Variants in FGF12 observed in about 807,000 individuals in gnomAD.
FGF12 encodes fibroblast growth factor 12B.
Under a neutral mutation model 23.6 loss-of-function variants are expected in FGF12, and 14 were observed. The observed-to-expected ratio is 0.59, with a 90% CI of 0.39 to 0.93. The LOEUF (loss-of-function observed/expected upper bound fraction) is 0.93. Among genes scored for constraint, FGF12 ranks in the 40% least tolerant of loss-of-function variants. The pLI is 0.00. For missense variants in FGF12, 175 were observed against 217.8 expected, an observed-to-expected ratio of 0.80 and a Z score of 1.24; for synonymous variants, 62 against 77.3, an observed-to-expected ratio of 0.80 and a Z score of 1.04.
chr3:192,378,082 C>CTTTCTTTCTTTCTTTCTTTT (rs1719639069), intron 2 of FGF12, among the ~76,000 whole-genome samples: 1 of 116,776 alleles, frequency 8.6e-6, no homozygotes, highest in Admixed American at 9.0e-5. Flanking sequence ...TTCTTTCTTT[C>CTTTCTTTCTTTCTTTCTTTT]TTTCTTTCTT....
intron 2 of FGF12, among the ~76,000 whole-genome samples, chr3:192,422,406 G>A (rs1046648162): frequency 2.6e-5 from 4 of 152,032 alleles, no homozygotes; most frequent in African/African-American, 9.7e-5. Flanking sequence ...AAACAAAGTA[G>A]GAAGCATTTT....
chr3:192,535,639 G>C (rs1440920969), intron 2 of FGF12, among the ~76,000 whole-genome samples: 1 of 152,148 alleles, frequency 6.6e-6, no homozygotes, highest in Admixed American at 6.6e-5. Context: ...GAAATAATTT[G>C]ACAGAAGCAG....
At chr3:192,712,462 A>T (rs1718722440) in intron 2 of FGF12, among the ~76,000 whole-genome samples, 1 of 152,016 alleles carries the variant, frequency 6.6e-6, no homozygotes, top group African/African-American at 2.4e-5. Context: ...TCAATTTTCA[A>T]AACACTGAGA....
chr3:192,648,476 A>G (rs1716093846), intron 2 of FGF12, among the ~76,000 whole-genome samples: 2 of 111,114 alleles, frequency 1.8e-5, no homozygotes, highest in African/African-American at 6.5e-5. Context: ...AACAAAGACT[A>G]TTTAGATTTT....
chr3:192,439,481 T>C (rs1277465757), intron 2 of FGF12, among the ~76,000 whole-genome samples: 1 of 152,198 alleles, frequency 6.6e-6, no homozygotes, highest in Non-Finnish European at 1.5e-5. Flanking sequence ...TTTTCTTGGA[T>C]CAATCATTCA....
At chr3:192,532,073 A>C (rs938886624) in intron 2 of FGF12, among the ~76,000 whole-genome samples, 1 of 152,052 alleles carries the variant, frequency 6.6e-6, no homozygotes. Flanking sequence ...GTTTGGCTTT[A>C]TTTCTGGGTT....
intron 2 of FGF12, among the ~76,000 whole-genome samples, chr3:192,723,961 G>A: frequency 8.5e-6 from 1 of 117,228 alleles, no homozygotes; most frequent in Admixed American, 8.7e-5. Context: ...GGGGAGGAGA[G>A]GAAGGAGGGG....
intron 2 of FGF12, among the ~76,000 whole-genome samples, chr3:192,453,698 T>C (rs1722594552): frequency 1.3e-5 from 2 of 152,316 alleles, no homozygotes; most frequent in South Asian, 2.1e-4. Flanking sequence ...GCTTGTTTTA[T>C]TGGGGGATGA....
chr3:192,236,248 TG>T (rs1391952822), intron 4 of FGF12, among the ~76,000 whole-genome samples: 12 of 145,752 alleles, frequency 8.2e-5, no homozygotes, highest in African/African-American at 3.1e-4. Flanking sequence ...CATTTTTTTT[TG>T]AATTTATAGA....
chr3:192,376,577 G>A (rs925142777), intron 2 of FGF12, among the ~76,000 whole-genome samples: 5 of 151,930 alleles, frequency 3.3e-5, no homozygotes, highest in Admixed American at 1.3e-4. Flanking sequence ...GGTCAGGCTG[G>A]TCTCAAACTC....
intron 2 of FGF12, among the ~76,000 whole-genome samples, chr3:192,545,053 C>T (rs1189424515): frequency 6.6e-6 from 1 of 152,092 alleles, no homozygotes; most frequent in Non-Finnish European, 1.5e-5. Context: ...CACGCAAGAT[C>T]AACTGAGCCA....
chr3:192,688,933 G>T (rs1717854297), intron 2 of FGF12, among the ~76,000 whole-genome samples: 1 of 152,154 alleles, frequency 6.6e-6, no homozygotes, highest in Non-Finnish European at 1.5e-5. Flanking sequence ...TATGTCATTT[G>T]CAGCAACGTG....
intron 2 of FGF12, among the ~76,000 whole-genome samples, chr3:192,720,804 G>A (rs922079522): frequency 4.6e-5 from 7 of 152,084 alleles, no homozygotes; most frequent in African/African-American, 7.2e-5. Flanking sequence ...GGAGCTTATC[G>A]ATGGATTCAT....
chr3:192,561,652 G>A lies in FGF12; in HGVS notation c.13+165529C>T, dbSNP rs949032903. Among the ~76,000 whole-genome samples, 6 of 152,166 alleles carry A rather than the reference G, an allele frequency of 3.9e-5. No individual in the cohort carries two copies. The South Asian group carries it at 6.2e-4, about 16-fold the overall frequency. ...GCTGGGATTACAGGCGTGAGCCACC[G>A]TGCCTGGAAAATACTATTTATTTGT... On this transcript the variant is annotated intron_variant, in intron 2 of 5. Coordinates refer to ENST00000445105, the MANE Select transcript of FGF12 (RefSeq NM_004113.6).
intron 2 of FGF12, chr3:192,726,921 T>C: frequency 1.9e-6 from 1 of 529,934 alleles, no homozygotes; most frequent in East Asian, 2.9e-5. Flanking sequence ...TTGGGGGGAC[T>C]CTCCCCACCT....
intron 2 of FGF12, among the ~76,000 whole-genome samples, chr3:192,686,399 A>G (rs1479703434): frequency 1.3e-5 from 2 of 152,152 alleles, no homozygotes; most frequent in Non-Finnish European, 2.9e-5. Flanking sequence ...ACTGAAGTCA[A>G]TGGAAGACAT....
intron 4 of FGF12, among the ~76,000 whole-genome samples, chr3:192,182,566 G>A (rs188698169): frequency 7.4e-4 from 113 of 152,204 alleles, no homozygotes; most frequent in African/African-American, 2.6e-3. Flanking sequence ...AAATGGACTC[G>A]TTGAGTATAG....
intron 4 of FGF12, among the ~76,000 whole-genome samples, chr3:192,249,297 T>G (rs1469985224): frequency 6.6e-6 from 1 of 152,198 alleles, no homozygotes; most frequent in African/African-American, 2.4e-5. Context: ...AAAACTTGTC[T>G]GATTATACTT....
intron 2 of FGF12, among the ~76,000 whole-genome samples, chr3:192,451,956 G>A (rs989601089): frequency 2.0e-5 from 3 of 152,118 alleles, no homozygotes; most frequent in Non-Finnish European, 2.9e-5. Flanking sequence ...GATAATTATG[G>A]AGTATTCACA....
Sources: allele counts gnomAD v4.1 joint callset (sites outside exome capture counted in the v4.1 genomes callset), GRCh38; gene constraint gnomAD v4.1.1; transcripts MANE v1.5; gene names NCBI Gene and HGNC (gene_info 2026-07-23, HGNC 2026-07-21).